The following NPAS3 variants were observed in gnomAD, a reference collection of about 807,000 sequenced individuals.
NPAS3 encodes the protein neuronal PAS domain protein 3.
In NPAS3, 14 loss-of-function variants were observed where a neutral mutation model predicts 73.1. That is an observed-to-expected ratio of 0.19 (90% CI 0.13 to 0.30). NPAS3 has a LOEUF of 0.30. Among genes scored for constraint, NPAS3 ranks in the 10% least tolerant of loss-of-function variants. The probability of loss-of-function intolerance (pLI) is 1.00; values close to 1 mark genes in which losing one functional copy is unlikely to be tolerated. For synonymous variants in NPAS3, 620 were observed against 541.5 expected, an observed-to-expected ratio of 1.14 and a Z score of -2.01; for missense variants, 1,096 against 1,250.0, an observed-to-expected ratio of 0.88 and a Z score of 1.86.
intron 5 of NPAS3, among the ~76,000 whole-genome samples, chr14:33,638,535 A>G (rs953007938): frequency 1.3e-5 from 2 of 152,246 alleles, no homozygotes; most frequent in African/African-American, 2.4e-5. Flanking sequence ...TTAAATGATA[A>G]ATCATATACA....
chr14:33,586,663 C>A (rs201606389), intron 5 of NPAS3, among the ~76,000 whole-genome samples: 2 of 152,098 alleles, frequency 1.3e-5, no homozygotes, highest in East Asian at 3.9e-4. Flanking sequence ...TTCTAACATT[C>A]CCTTTTGTTA....
At chr14:33,418,144 C>A (rs1340483085) in intron 4 of NPAS3, among the ~76,000 whole-genome samples, 1 of 151,796 alleles carries the variant, frequency 6.6e-6, no homozygotes, top group East Asian at 1.9e-4. Flanking sequence ...AGTGTATGTC[C>A]TCCAAGAGCA....
At chr14:33,217,005 A>C (rs995050291) in intron 3 of NPAS3, among the ~76,000 whole-genome samples, 13 of 152,226 alleles carry the variant, frequency 8.5e-5, no homozygotes, top group Non-Finnish European at 1.6e-4. Flanking sequence ...ATGGATAAAC[A>C]AAAAAGGTTT....
chr14:33,333,183 CAGT>C (rs1165545406), intron 3 of NPAS3, among the ~76,000 whole-genome samples: 8 of 152,122 alleles, frequency 5.3e-5, no homozygotes, highest in Non-Finnish European at 4.4e-5. Context: ...GAAGTGCAAA[CAGT>C]AGTTTTCACA....
At chr14:33,334,737 G>T (rs1316040837) in intron 3 of NPAS3, among the ~76,000 whole-genome samples, 1 of 152,070 alleles carries the variant, frequency 6.6e-6, no homozygotes, top group Non-Finnish European at 1.5e-5. Flanking sequence ...AACCAGTTGT[G>T]TTTGGTTAGT....
intron 3 of NPAS3, among the ~76,000 whole-genome samples, chr14:33,273,678 T>G (rs56312034): frequency 0.085 from 12,969 of 152,190 alleles, 644 homozygotes; most frequent in Non-Finnish European, 0.096. Flanking sequence ...AGGGCTTGTA[T>G]GTAGAATAAA....
chr14:32,958,918 A>G (rs1446186353), intron 1 of NPAS3, among the ~76,000 whole-genome samples: 1 of 152,206 alleles, frequency 6.6e-6, no homozygotes. Flanking sequence ...TATAACATGT[A>G]AGTCAGGAGT....
intron 2 of NPAS3, among the ~76,000 whole-genome samples, chr14:33,162,908 A>G (rs556215155): frequency 3.3e-5 from 5 of 152,298 alleles, no homozygotes; most frequent in African/African-American, 1.2e-4. Flanking sequence ...ACTTTGGACA[A>G]TCTTCTGTCA....
chr14:33,088,360 G>T (rs2042106598), intron 2 of NPAS3, among the ~76,000 whole-genome samples: 1 of 152,216 alleles, frequency 6.6e-6, no homozygotes, highest in African/African-American at 2.4e-5. Context: ...TTTTCCAATG[G>T]TCTTAGCAAA....
At chr14:33,382,296 C>T (rs1270485882) in intron 4 of NPAS3, among the ~76,000 whole-genome samples, 2 of 151,998 alleles carry the variant, frequency 1.3e-5, no homozygotes, top group East Asian at 1.9e-4. Context: ...ACCTTGAGAC[C>T]TTTAACTCAC....
intron 4 of NPAS3, among the ~76,000 whole-genome samples, chr14:33,416,083 A>G (rs575420698): frequency 1.2e-3 from 183 of 152,148 alleles, no homozygotes; most frequent in Admixed American, 2.4e-3. Context: ...TTATTTTTGT[A>G]TTTTTAAATC....
At position 33,460,084 on chromosome 14, in the gene NPAS3, A is replaced by G. The variant is rs186075317; in HGVS notation, c.468+92816A>G. Among the ~76,000 whole-genome samples, 44 of 152,362 alleles carry G rather than the reference A, an allele frequency of 2.9e-4. 1 individual carries two copies. The highest frequency in any genetic ancestry group is 2.9e-3 in the Admixed American group (44 of 15,302). ...TAGCATCAAAGATGTGGCCTTCCAC[A>G]AAAGGACTACAAGGACTATTACAAG... is the stretch of plus-strand genomic sequence containing the variant. On this transcript the variant is annotated intron_variant, in intron 4 of 11. Transcript: ENST00000356141.
At chr14:33,799,845 G>C in exon 12 of NPAS3, 1 of 1,614,150 alleles carries the variant, frequency 6.2e-7, no homozygotes, top group Non-Finnish European at 8.5e-7. Flanking sequence ...GACATGAACT[G>C]CAACGACGAC....
At chr14:33,287,548 A>C (rs762600018) in intron 3 of NPAS3, among the ~76,000 whole-genome samples, 2 of 151,972 alleles carry the variant, frequency 1.3e-5, no homozygotes, top group African/African-American at 2.4e-5. Context: ...TACTTACCTC[A>C]TTTCTTCCAA....
chr14:33,107,633 A>T (rs940203935), intron 2 of NPAS3, among the ~76,000 whole-genome samples: 1 of 152,172 alleles, frequency 6.6e-6, no homozygotes, highest in Non-Finnish European at 1.5e-5. Context: ...TGTATGTACC[A>T]CATTTTCTTT....
At position 33,089,017 on chromosome 14, in the gene NPAS3, C is replaced by T. The variant is rs887352749; in HGVS notation, c.140+33023C>T. 3.6e-5 allele frequency among the ~76,000 whole-genome samples: 3 copies of T among 82,546 alleles called. 1 individual carries two copies. The highest frequency in any genetic ancestry group is 1.5e-4 in the African/African-American group (2 of 13,534). The allele number at this position is 82,546 out of a possible 152,430, so 54.2% of individuals were successfully genotyped here. A position where few individuals can be genotyped will look rare whatever the true frequency, so the allele number is the denominator to read the frequency against. ...CAGAAAGGACATCCACACCAAAACC[C>T]CATCTGTAAGTCACCATCATCAAGA... On this transcript the variant is annotated intron_variant, in intron 2 of 11. Transcript: ENST00000356141.
At chr14:33,501,988 A>C (rs1402400279) in intron 4 of NPAS3, among the ~76,000 whole-genome samples, 2 of 151,896 alleles carry the variant, frequency 1.3e-5, no homozygotes, top group Non-Finnish European at 2.9e-5. Context: ...AAGTATCATT[A>C]TTTCATCTAA....
At chr14:33,557,752 G>A (rs1295692356) in intron 4 of NPAS3, among the ~76,000 whole-genome samples, 3 of 152,198 alleles carry the variant, frequency 2.0e-5, no homozygotes, top group Non-Finnish European at 2.9e-5. Flanking sequence ...GGCAGATCAC[G>A]AGGTCAGGAG....
chr14:33,411,546 G>T (rs1330604915), intron 4 of NPAS3, among the ~76,000 whole-genome samples: 1 of 152,144 alleles, frequency 6.6e-6, no homozygotes, highest in Non-Finnish European at 1.5e-5. Flanking sequence ...AGAAGCCAGG[G>T]TTACTGTTAA....
Sources: allele counts gnomAD v4.1 joint callset (sites outside exome capture counted in the v4.1 genomes callset), GRCh38; gene constraint gnomAD v4.1.1; transcripts MANE v1.5; gene names NCBI Gene and HGNC (gene_info 2026-07-23, HGNC 2026-07-21).